AVIL: variants seen among roughly 807,000 people sequenced by gnomAD.
AVIL encodes advillin.
AVIL carries 78 observed loss-of-function variants against 109.9 expected under a neutral mutation model. That is an observed-to-expected ratio of 0.71 (90% CI 0.59 to 0.86). The LOEUF is 0.86. Ranked by LOEUF, AVIL falls within the 40% of genes least tolerant of loss-of-function variation. The pLI, the probability that AVIL is intolerant of heterozygous loss-of-function variation, is 0.00. For synonymous variants in AVIL, 367 were observed against 379.1 expected (o/e 0.97, Z 0.37); for missense variants, 892 against 1,016.5 (o/e 0.88, Z 1.67).
At chr12:57,808,342 G>A (rs777194639) in intron 10 of AVIL, 48 bp from the exon 11 acceptor site, 1 of 1,613,924 alleles carries the variant, frequency 6.2e-7, no homozygotes, top group Non-Finnish European at 8.5e-7. Flanking sequence ...AAGCATCTGT[G>A]CCTGCTTTTC....
rs1340164893 is a variant in AVIL, at chr12:57,797,391, T to C, written c.*491A>G. ...AATAACTCCATTTGTTCATTATAGG[T>C]ATCTTTATTTGAAAAGTGAAAAATG... On this transcript the variant is annotated 3_prime_UTR_variant, in exon 20 of 20. Coordinates refer to ENST00000549994, the MANE Select transcript of AVIL (RefSeq NM_006576.4). 1.6e-5 allele frequency: 16 copies of C among 985,308 alleles called. No homozygotes were observed. Among genetic ancestry groups the C allele is most frequent in the African/African-American group, 3.5e-5 (2 of 57,236 alleles). The allele number at this position is 985,308 out of a possible 1,614,324, so 61.0% of individuals were successfully genotyped here. A position where few individuals can be genotyped will look rare whatever the true frequency, so the allele number is the denominator to read the frequency against.
rs1191758986 is a variant in AVIL, at chr12:57,816,378, TTA to T, written c.-19-321_-19-320del. 3.9e-5 allele frequency: 8 copies of T among 202,792 alleles called. No homozygotes were observed. In the Admixed American group the frequency reaches 4.2e-4, roughly 11 times the overall value. The allele number at this position is 202,792 out of a possible 1,614,324, so 12.6% of individuals were successfully genotyped here. On this transcript the variant is annotated intron_variant, in intron 1 of 19. Transcript: ENST00000549994. ...CCTGTATTGATTCACTTTGCATATG[TTA>T]TCTCTAATTTTCAGAAGGTGAGTTT...
chr12:57,802,257 C>T lies in AVIL; in HGVS notation c.2054G>A (p.Gly685Asp), dbSNP rs1955863938. Reference sequence around the variant, plus strand: ...CAGGATTGGTGTGTCGGGATCTCGGCCGCTGGGGTGAGTGTGCAGGTACTG... The same window carrying T: ...CAGGATTGGTGTGTCGGGATCTCGGTCGCTGGGGTGAGTGTGCAGGTACTG... ...AQQYLHTHPS[G>D]RDPDTPILII... The change falls in exon 17 of 20, where the codon GGC becomes GAC. Residue 685 changes from glycine (G) to aspartate (D), a missense_variant. Gly to Asp is a moderately conservative substitution (Grantham distance 94). Transcript: ENST00000549994. The T allele has an allele frequency of 1.2e-6, 2 of 1,614,004 alleles. No homozygotes were observed. The highest frequency in any genetic ancestry group is 1.1e-5 in the South Asian group (1 of 91,074).
chr12:57,818,210 T>G (rs997344229), intron 1 of AVIL, among the ~76,000 whole-genome samples: 1 of 134,548 alleles, frequency 7.4e-6, no homozygotes, highest in Non-Finnish European at 1.6e-5. Context: ...TTTTTTTTTT[T>G]TTTGTAGAGA....
intron 7 of AVIL, 38 bp downstream of exon 7, chr12:57,810,311 A>G: frequency 2.6e-6 from 4 of 1,555,958 alleles, no homozygotes; most frequent in Non-Finnish European, 3.5e-6. Flanking sequence ...CTTCCCCCCA[A>G]CCCCAGCTTC....
intron 4 of AVIL, among the ~76,000 whole-genome samples, chr12:57,812,664 G>A (rs140612619): frequency 2.3e-4 from 35 of 152,326 alleles, no homozygotes; most frequent in Non-Finnish European, 4.1e-4. Context: ...CTGGCCATGC[G>A]TGTGCTTTTT....
Position 57,799,840 on chromosome 12 carries a change from G to T in AVIL, c.2301C>A (p.Asn767Lys). The stretch of plus-strand genomic sequence containing the variant: ...CATCCTCAGGCAGCTCCTGATTCTG[G>T]TTTTTCAACAGAACTGCTATAGGGT... ...KYYPIAVLLK[N>K]QNQELPEDVN... The change falls in exon 19 of 20, where the codon AAC (asparagine) becomes AAA (lysine). Residue 767 changes from asparagine to lysine, a missense_variant. Asn to Lys is a moderately conservative substitution (Grantham distance 94). Transcript: ENST00000549994. 1.2e-6 allele frequency: 2 copies of T among 1,614,138 alleles called. No individual in the cohort carries two copies. Among genetic ancestry groups the T allele is most frequent in the Non-Finnish European group, 8.5e-7 (1 of 1,180,010 alleles).
chr12:57,813,561 G>T, intron 3 of AVIL, 138 bp from the exon 4 acceptor site: 1 of 835,724 alleles, frequency 1.2e-6, no homozygotes, highest in Non-Finnish European at 1.8e-6. Context: ...GGATGTGGGA[G>T]CTGCCCTGGC....
intron 1 of AVIL, among the ~76,000 whole-genome samples, chr12:57,816,997 G>C (rs1334615581): frequency 6.6e-6 from 1 of 151,892 alleles, no homozygotes; most frequent in South Asian, 2.1e-4. Flanking sequence ...GGTGGGGAGA[G>C]GGGGGAAGTG....
chr12:57,801,295 A>G, intron 17 of AVIL, 83 bp from the exon 18 acceptor site: 2 of 1,123,416 alleles, frequency 1.8e-6, no homozygotes, highest in Admixed American at 2.1e-5. Context: ...GTCTTCAGGA[A>G]AAGCAAAAGA....
rs1400901297 is a variant in AVIL, at chr12:57,808,463, A to G, written c.1025T>C (p.Leu342Pro). 1.2e-6 allele frequency: 2 copies of G among 1,614,084 alleles called. No individual in the cohort carries two copies. The highest frequency in any genetic ancestry group is 1.7e-6 in the Non-Finnish European group (2 of 1,180,034). ...GTCCTTTACTGACCACTTCTGGAAC[A>G]GCTGCTTGAACATGGCCGACTCAGC... ...DGAESAMFKQ[L>P]FQKWSVKDQT... The change falls in exon 10 of 20, where the codon CTG becomes CCG. Residue 342 changes from leucine to proline, a missense_variant. By Grantham distance (98) the Leu-to-Pro change is moderately conservative. Transcript: ENST00000549994.
chr12:57,805,700 A>G (rs1009366564), intron 14 of AVIL, among the ~76,000 whole-genome samples: 1 of 150,790 alleles, frequency 6.6e-6, no homozygotes, highest in African/African-American at 2.4e-5. Flanking sequence ...CACCCGGCTA[A>G]TTTTTTTTGT....
chr12:57,813,373 C>T lies in AVIL; in HGVS notation c.192G>A (p.Gly64=), dbSNP rs1956062012. 5 of 1,614,106 alleles carry T rather than the reference C, an allele frequency of 3.1e-6. No homozygotes were observed. The South Asian group carries it at 5.5e-5, about 18-fold the overall frequency. The change falls in exon 4 of 20, where the codon GGG becomes GGA. Residue 64 remains glycine (G), a synonymous_variant. Coordinates refer to ENST00000549994, the MANE Select transcript of AVIL (RefSeq NM_006576.4). ...LLSQDIHFWI[G]KDSSQDEQSC... Reference sequence around the variant, plus strand: ...TTTGCTCATCCTGGGAGGAGTCCTTCCCGATCCAGAAGTGGATGTCCTGGG... The same window carrying T: ...TTTGCTCATCCTGGGAGGAGTCCTTTCCGATCCAGAAGTGGATGTCCTGGG...
At chr12:57,811,248 A>G (rs1319915123) in intron 4 of AVIL, 121 bp from the exon 5 acceptor site, 1 of 918,226 alleles carries the variant, frequency 1.1e-6, no homozygotes, top group East Asian at 2.5e-5. Context: ...CAAGGTAAAT[A>G]CAGATGGTGG....
Position 57,806,692 on chromosome 12 carries a change from A to C in AVIL, c.1492-153T>G, listed in dbSNP as rs190915307. ...GAAAGGGTCAGGGTAAGCTGGAGTT[A>C]TGTCACCGATAACAACAACTTTCAT... On this transcript the variant is annotated intron_variant, in intron 13 of 19. Transcript: ENST00000549994. 1.1e-3 allele frequency: 807 copies of C among 737,682 alleles called. 10 individuals carry two copies. The East Asian group carries it at 0.02, about 18-fold the overall frequency. 45.7% of individuals were successfully genotyped at this position (737,682 alleles called of 1,614,324 possible). A position where few individuals can be genotyped will look rare whatever the true frequency, so the allele number is the denominator to read the frequency against.
At chr12:57,812,119 G>A (rs1316075251) in intron 4 of AVIL, among the ~76,000 whole-genome samples, 2 of 152,130 alleles carry the variant, frequency 1.3e-5, no homozygotes, top group Admixed American at 6.6e-5. Flanking sequence ...CTGCAGGCTC[G>A]ATAATTGAGG....
chr12:57,806,650 A>T (rs1955952711), intron 13 of AVIL, 111 bp from the exon 14 acceptor site: 2 of 1,244,598 alleles, frequency 1.6e-6, no homozygotes, highest in East Asian at 4.7e-5. Context: ...GCCCTTGAGG[A>T]GCTTCTAGAC....
chr12:57,813,526 G>C, intron 3 of AVIL, 103 bp from the exon 4 acceptor site: 1 of 1,145,554 alleles, frequency 8.7e-7, no homozygotes, highest in Non-Finnish European at 1.2e-6. Context: ...GCCCTTGGCA[G>C]ACTGAGGGCC....
chr12:57,813,491 T>C (rs530321620), intron 3 of AVIL, 68 bp from the exon 4 acceptor site: 20 of 1,471,924 alleles, frequency 1.4e-5, no homozygotes, highest in Admixed American at 1.7e-5. Context: ...GCCCCTGTTA[T>C]GGGGAGAATG....
Sources: allele counts gnomAD v4.1 joint callset (sites outside exome capture counted in the v4.1 genomes callset), GRCh38; gene constraint gnomAD v4.1.1; transcripts MANE v1.5; gene names NCBI Gene and HGNC (gene_info 2026-07-23, HGNC 2026-07-21).